Variants in SH3PXD2A observed in about 807,000 individuals in gnomAD.
SH3PXD2A encodes SH3 and PX domains 2A.
SH3PXD2A carries 32 observed loss-of-function variants against 115.2 expected under a neutral mutation model. That is an observed-to-expected ratio of 0.28 (90% CI 0.21 to 0.37). SH3PXD2A has a LOEUF of 0.37. SH3PXD2A is among the 10% of genes least tolerant of loss of function. The pLI is 1.00. For missense variants in SH3PXD2A, 1,328 were observed against 1,498.7 expected, an observed-to-expected ratio of 0.89 and a Z score of 1.88; for synonymous variants, 610 against 629.1, an observed-to-expected ratio of 0.97 and a Z score of 0.45.
intron 1 of SH3PXD2A, among the ~76,000 whole-genome samples, chr10:103,852,032 T>G (rs1842901604): frequency 6.6e-6 from 1 of 152,244 alleles, no homozygotes; most frequent in Admixed American, 6.5e-5. Flanking sequence ...GCATTCTGCA[T>G]CCAGCATCAT....
chr10:103,681,746 A>T (rs932040755), intron 6 of SH3PXD2A, among the ~76,000 whole-genome samples: 1 of 141,298 alleles, frequency 7.1e-6, no homozygotes, highest in African/African-American at 2.7e-5. Context: ...TCCATCACAC[A>T]CACACACGCG....
At chr10:103,727,848 C>T (rs890740438) in intron 4 of SH3PXD2A, among the ~76,000 whole-genome samples, 1 of 152,238 alleles carries the variant, frequency 6.6e-6, no homozygotes, top group Admixed American at 6.5e-5. Context: ...GCTCTCAGCC[C>T]AGAGCAGCTT....
At chr10:103,642,972 G>C (rs1361396151) in intron 8 of SH3PXD2A, among the ~76,000 whole-genome samples, 1 of 152,116 alleles carries the variant, frequency 6.6e-6, no homozygotes, top group Non-Finnish European at 1.5e-5. Flanking sequence ...AAATAAAACG[G>C]GGACAATTTA....
chr10:103,723,533 T>A (rs996372004), intron 5 of SH3PXD2A, among the ~76,000 whole-genome samples: 6 of 152,092 alleles, frequency 3.9e-5, no homozygotes, highest in Non-Finnish European at 8.8e-5. Flanking sequence ...ACCCACAGCA[T>A]CCCAATTTCA....
chr10:103,683,278 T>C (rs11191764), intron 6 of SH3PXD2A, among the ~76,000 whole-genome samples: 55,900 of 152,060 alleles, frequency 0.37, 10,738 homozygotes, highest in East Asian at 0.54. Context: ...TCTGGGAGGC[T>C]GAGGCGGGTG....
rs1592270705 is a variant in SH3PXD2A, at chr10:103,627,737, G to A, written c.605-535C>T. Among the ~76,000 whole-genome samples the A allele has an allele frequency of 1.3e-5, 2 of 152,328 alleles. No individual in the cohort carries two copies. The highest frequency in any genetic ancestry group is 1.3e-4 in the Admixed American group (2 of 15,306). On this transcript the variant is annotated intron_variant, in intron 8 of 14. Transcript: ENST00000369774. The surrounding 1 kb of genome is among the most constrained non-coding windows in gnomAD (Gnocchi z 4.4). ...TAAGTGTGTTCACGTTTCAGTCGCGGTAAGTGGGCACTGCATCCTCAGCTG... is the reference window on the plus strand; with the variant it reads ...TAAGTGTGTTCACGTTTCAGTCGCGATAAGTGGGCACTGCATCCTCAGCTG...
intron 4 of SH3PXD2A, among the ~76,000 whole-genome samples, chr10:103,724,697 C>T (rs2038219989): frequency 6.6e-6 from 1 of 151,966 alleles, no homozygotes; most frequent in Non-Finnish European, 1.5e-5. Flanking sequence ...ACCAGTTATC[C>T]AATCAACCTA....
At position 103,611,588 on chromosome 10, in the gene SH3PXD2A, G is replaced by T. The variant is rs1159748911; in HGVS notation, c.1301C>A (p.Ser434Tyr). 2 of 1,613,876 alleles carry T rather than the reference G, an allele frequency of 1.2e-6. No homozygotes were observed. The highest frequency in any genetic ancestry group is 1.6e-4 in the Middle Eastern group (1 of 6,062). ...LRTRPPPRRE[S>Y]SLGFQLPKPP... ...GAAATTCAGTACACATACCAGGCTG[G>T]ATTCTCTGCGTGGTGGAGGTCTTGT... The change falls in exon 13 of 15, where the codon TCC becomes TAC. Residue 434 changes from serine (S) to tyrosine (Y), a missense_variant. This residue lies in a region of SH3PXD2A where 509 missense variants were observed against 628.3 expected (regional missense o/e 0.81). Transcript: ENST00000369774.
Position 103,595,937 on chromosome 10 carries a change from T to C in SH3PXD2A, c.*5879A>G, listed in dbSNP as rs2036126412. On this transcript the variant is annotated 3_prime_UTR_variant, in exon 15 of 15. Coordinates refer to ENST00000369774, the MANE Select transcript of SH3PXD2A (RefSeq NM_001394015.1). ...CCCCAAAGCTGTGGGTCACTGATCC[T>C]GTCTTCTCACTGGCTCTGATCATGC... 1 of 152,640 alleles carries C rather than the reference T, an allele frequency of 6.6e-6. No individual in the cohort carries two copies. 9.5% of individuals were successfully genotyped at this position (152,640 alleles called of 1,614,324 possible).
At chr10:103,843,077 C>A (rs1259837484) in intron 1 of SH3PXD2A, among the ~76,000 whole-genome samples, 1 of 152,080 alleles carries the variant, frequency 6.6e-6, no homozygotes. Context: ...AGCAATAGTG[C>A]CGTTTATGGA....
chr10:103,603,685 G>C lies in SH3PXD2A; in HGVS notation c.1533C>G (p.Ser511Arg), dbSNP rs2036256234. Residue 511 changes from serine to arginine, a missense_variant, in exon 15 of 15, where the codon AGC becomes AGG. By Grantham distance (110) the Ser-to-Arg change is moderately radical. This residue lies in a region of SH3PXD2A where 509 missense variants were observed against 628.3 expected (regional missense o/e 0.81). Transcript: ENST00000369774. ...YIDKRKKPNL[S>R]RRTSTLTRPK... ...GCCGGGTCAGCGTGCTTGTGCGGCG[G>C]CTCAGGTTGGGCTTCTTGCGCTTAT... is the stretch of plus-strand genomic sequence containing the variant. 5 of 1,608,334 alleles carry C rather than the reference G, an allele frequency of 3.1e-6. No homozygotes were observed. Among genetic ancestry groups the C allele is most frequent in the Non-Finnish European group, 4.2e-6 (5 of 1,178,640 alleles).
intron 8 of SH3PXD2A, among the ~76,000 whole-genome samples, chr10:103,639,490 G>T (rs183659337): frequency 6.6e-6 from 1 of 151,842 alleles, no homozygotes; most frequent in African/African-American, 2.4e-5. Flanking sequence ...TGTGCCTGTA[G>T]TCCCAGCTAC....
chr10:103,661,681 G>A, intron 7 of SH3PXD2A: 1 of 985,178 alleles, frequency 1.0e-6, no homozygotes, highest in Non-Finnish European at 1.2e-6. Context: ...GAGAGGGAGA[G>A]GAGAGAGCGG....
chr10:103,832,595 C>T (rs1013138287), intron 1 of SH3PXD2A, among the ~76,000 whole-genome samples: 4 of 152,250 alleles, frequency 2.6e-5, no homozygotes, highest in Middle Eastern at 3.4e-3. Context: ...GAGTTCATGT[C>T]CTTTGTAGGG....
intron 8 of SH3PXD2A, among the ~76,000 whole-genome samples, chr10:103,659,522 C>G (rs538051537): frequency 1.3e-5 from 2 of 152,306 alleles, no homozygotes; most frequent in East Asian, 3.9e-4. Context: ...CATGACATTG[C>G]TAGCTTACTT....
chr10:103,820,562 G>A (rs2039368468), intron 1 of SH3PXD2A, among the ~76,000 whole-genome samples: 1 of 152,154 alleles, frequency 6.6e-6, no homozygotes, highest in Non-Finnish European at 1.5e-5. Flanking sequence ...ATTCCCTGGG[G>A]AGGGCGGCCC....
intron 5 of SH3PXD2A, among the ~76,000 whole-genome samples, chr10:103,706,013 A>G (rs2037976619): frequency 6.6e-6 from 1 of 152,012 alleles, no homozygotes; most frequent in South Asian, 2.1e-4. Flanking sequence ...AGAAAAAAAA[A>G]AAAAAAGAAA....
At chr10:103,767,026 CG>C in intron 3 of SH3PXD2A, 67 bp downstream of exon 3, 1 of 1,198,508 alleles carries the variant, frequency 8.3e-7, no homozygotes, top group Non-Finnish European at 1.2e-6. Flanking sequence ...GTACTCTTCT[CG>C]GCCTAAGGGA....
intron 8 of SH3PXD2A, among the ~76,000 whole-genome samples, chr10:103,652,622 A>G (rs1469889526): frequency 6.6e-6 from 1 of 152,268 alleles, no homozygotes; most frequent in Non-Finnish European, 1.5e-5. Flanking sequence ...TATACTCCCC[A>G]GAAAGTGTTT....
Sources: allele counts gnomAD v4.1 joint callset (sites outside exome capture counted in the v4.1 genomes callset), GRCh38; gene constraint gnomAD v4.1.1; regional missense constraint gnomAD v4.1.1; non-coding constraint Gnocchi (gnomAD v3.1); transcripts MANE v1.5; gene names NCBI Gene and HGNC (gene_info 2026-07-23, HGNC 2026-07-21).